KLHL32: variants seen among roughly 807,000 people sequenced by gnomAD.
KLHL32 encodes kelch like family member 32, also known as kelch-like protein 32.
Under a neutral mutation model 64.8 loss-of-function variants are expected in KLHL32, and 35 were observed. That is an observed-to-expected ratio of 0.54 (90% CI 0.41 to 0.72). The LOEUF (loss-of-function observed/expected upper bound fraction) is 0.72. KLHL32 is among the 30% of genes least tolerant of loss of function. The pLI is 0.00. For synonymous variants in KLHL32, 259 were observed against 281.0 expected, an observed-to-expected ratio of 0.92 and a Z score of 0.78; for missense variants, 589 against 768.5, an observed-to-expected ratio of 0.77 and a Z score of 2.76.
intron 4 of KLHL32, among the ~76,000 whole-genome samples, chr6:97,047,899 C>T (rs1582839269): frequency 1.3e-5 from 2 of 152,264 alleles, no homozygotes; most frequent in Middle Eastern, 6.8e-3. Flanking sequence ...TGGGATAAGC[C>T]TTTAGAAATT....
At chr6:96,933,688 G>A (rs1307724540) in intron 1 of KLHL32, among the ~76,000 whole-genome samples, 1 of 152,156 alleles carries the variant, frequency 6.6e-6, no homozygotes, top group African/African-American at 2.4e-5. Context: ...TATCTCAGCT[G>A]GGACAGAGGG....
intron 1 of KLHL32, among the ~76,000 whole-genome samples, chr6:96,933,004 A>G (rs1168830860): frequency 6.6e-6 from 1 of 152,204 alleles, no homozygotes; most frequent in Non-Finnish European, 1.5e-5. Context: ...CTGTATATGT[A>G]ACTGCCAAGG....
At chr6:96,945,931 G>A (rs1771866282) in intron 1 of KLHL32, among the ~76,000 whole-genome samples, 1 of 152,140 alleles carries the variant, frequency 6.6e-6, no homozygotes, top group South Asian at 2.1e-4. Flanking sequence ...CTGGAACTGA[G>A]GAGCTGGTCT....
At chr6:96,982,507 C>T (rs1361702067) in intron 3 of KLHL32, among the ~76,000 whole-genome samples, 3 of 152,168 alleles carry the variant, frequency 2.0e-5, no homozygotes, top group African/African-American at 7.2e-5. Context: ...TCAAACTTGC[C>T]ACTCTCTGCC....
intron 1 of KLHL32, among the ~76,000 whole-genome samples, chr6:96,965,156 T>A (rs1379675414): frequency 1.3e-5 from 2 of 152,240 alleles, no homozygotes; most frequent in Non-Finnish European, 2.9e-5. Context: ...TGCATCCATA[T>A]TGCTGCAAAG....
upstream of KLHL32, among the ~76,000 whole-genome samples, chr6:96,920,965 T>A (rs1324768033): frequency 6.6e-6 from 1 of 152,190 alleles, no homozygotes; most frequent in Non-Finnish European, 1.5e-5. Flanking sequence ...TGAATGTAAA[T>A]ATTGACAAGT....
At chr6:97,086,662 AT>A (rs1461007722) in intron 6 of KLHL32, among the ~76,000 whole-genome samples, 1 of 152,224 alleles carries the variant, frequency 6.6e-6, no homozygotes, top group Non-Finnish European at 1.5e-5. Context: ...CCAAAAAAAC[AT>A]TAAAGAATAA....
At chr6:97,138,567 A>C (rs1035144306) in intron 10 of KLHL32, among the ~76,000 whole-genome samples, 14 of 152,164 alleles carry the variant, frequency 9.2e-5, no homozygotes, top group South Asian at 8.3e-4. Context: ...AAAAAACCCC[A>C]AAAACAAACA....
Position 97,139,293 on chromosome 6 carries a change from C to T in KLHL32, c.*11C>T, listed in dbSNP as rs765765037. On this transcript the variant is annotated 3_prime_UTR_variant, in exon 11 of 11. Coordinates refer to ENST00000369261, the MANE Select transcript of KLHL32 (RefSeq NM_052904.4). ...ATTGGCACCATCTGAAAAGCCAAGCCATCATGAACAGGAGGAAAACATAGC... is the reference window on the plus strand; with the variant it reads ...ATTGGCACCATCTGAAAAGCCAAGCTATCATGAACAGGAGGAAAACATAGC... 3 of 1,609,252 alleles carry T rather than the reference C, an allele frequency of 1.9e-6. No homozygotes were observed. Among genetic ancestry groups the T allele is most frequent in the Middle Eastern group, 1.7e-4 (1 of 6,042 alleles).
chr6:97,134,962 C>T (rs1406565533), intron 10 of KLHL32, among the ~76,000 whole-genome samples: 3 of 152,106 alleles, frequency 2.0e-5, no homozygotes, highest in Non-Finnish European at 2.9e-5. Flanking sequence ...TGACATTTGG[C>T]TGTTTTCAAA....
At chr6:97,115,773 A>T (rs1304633327) in intron 7 of KLHL32, among the ~76,000 whole-genome samples, 2 of 152,234 alleles carry the variant, frequency 1.3e-5, no homozygotes, top group African/African-American at 4.8e-5. Context: ...TCCAAATGGA[A>T]CTTGTTGGAT....
chr6:96,962,356 G>A (rs935010349), intron 1 of KLHL32, among the ~76,000 whole-genome samples: 3 of 152,172 alleles, frequency 2.0e-5, no homozygotes, highest in African/African-American at 7.2e-5. Flanking sequence ...TAAGGGTGAG[G>A]ATGGTAAATA....
chr6:96,996,711 A>G (rs554138902), intron 3 of KLHL32, among the ~76,000 whole-genome samples: 1 of 152,260 alleles, frequency 6.6e-6, no homozygotes, highest in Admixed American at 6.5e-5. Context: ...AATAACAATA[A>G]TAACTAATTA....
intron 4 of KLHL32, among the ~76,000 whole-genome samples, chr6:97,053,935 C>A (rs1396542951): frequency 1.3e-5 from 2 of 151,968 alleles, no homozygotes; most frequent in Non-Finnish European, 2.9e-5. Flanking sequence ...TACAAAACAT[C>A]TTATTTTCTT....
At chr6:97,014,670 A>G (rs1055829620) in intron 3 of KLHL32, among the ~76,000 whole-genome samples, 1 of 152,194 alleles carries the variant, frequency 6.6e-6, no homozygotes, top group Non-Finnish European at 1.5e-5. Flanking sequence ...TGAGGCAGGT[A>G]TCTTCATTTT....
chr6:97,002,663 C>G (rs1779186630), intron 3 of KLHL32, among the ~76,000 whole-genome samples: 3 of 152,236 alleles, frequency 2.0e-5, no homozygotes, highest in South Asian at 4.2e-4. Context: ...GTCTATTGTT[C>G]CCTTCTTTGT....
chr6:97,041,389 A>G, intron 3 of KLHL32, 103 bp from the exon 4 acceptor site: 1 of 700,486 alleles, frequency 1.4e-6, no homozygotes, highest in Non-Finnish European at 2.5e-6. Context: ...AAAATCAATT[A>G]TTAATTTGTA....
chr6:97,126,425 A>G (rs1227935957), intron 7 of KLHL32, among the ~76,000 whole-genome samples: 1 of 152,024 alleles, frequency 6.6e-6, no homozygotes, highest in East Asian at 1.9e-4. Context: ...AGGGCTCAGT[A>G]TACACTACAA....
intron 1 of KLHL32, among the ~76,000 whole-genome samples, chr6:96,959,727 T>C (rs1773679817): frequency 6.6e-6 from 1 of 152,182 alleles, no homozygotes; most frequent in South Asian, 2.1e-4. Flanking sequence ...CATGCGGTGG[T>C]TGCAGGTTCT....
Sources: allele counts gnomAD v4.1 joint callset (sites outside exome capture counted in the v4.1 genomes callset), GRCh38; gene constraint gnomAD v4.1.1; transcripts MANE v1.5; gene names NCBI Gene and HGNC (gene_info 2026-07-23, HGNC 2026-07-21).